Variants in COL4A1 observed in about 807,000 individuals in gnomAD.
COL4A1 encodes the protein collagen alpha-1(IV) chain.
In COL4A1, 40 loss-of-function variants were observed where a neutral mutation model predicts 216.6. The ratio of observed to expected loss-of-function variants is 0.18; its 90% CI spans 0.14 to 0.24. The LOEUF is 0.24. COL4A1 is among the 10% of genes least tolerant of loss of function. The pLI, the probability that COL4A1 is intolerant of heterozygous loss-of-function variation, is 1.00. For synonymous variants in COL4A1, 839 were observed against 810.7 expected (o/e 1.03, Z -0.59); for missense variants, 1,628 against 2,196.8 (o/e 0.74, Z 5.18).
At chr13:110,157,990 C>T (rs1179597491) in intron 49 of COL4A1, among the ~76,000 whole-genome samples, 1 of 152,106 alleles carries the variant, frequency 6.6e-6, no homozygotes, top group African/African-American at 2.4e-5. Context: ...AACAGGAAAC[C>T]TATCAATGAA....
At chr13:110,248,302 T>C (rs1881922206) in intron 1 of COL4A1, among the ~76,000 whole-genome samples, 1 of 152,114 alleles carries the variant, frequency 6.6e-6, no homozygotes, top group Admixed American at 6.5e-5. Flanking sequence ...CCCCACACGC[T>C]CCCGGCGGGA....
At chr13:110,225,510 G>A (rs2139224082) in intron 2 of COL4A1, among the ~76,000 whole-genome samples, 1 of 152,316 alleles carries the variant, frequency 6.6e-6, no homozygotes, top group South Asian at 2.1e-4. Context: ...TTGAACCCAG[G>A]AAGCAGAGGT....
In COL4A1 at chr13:110,174,439, C is replaced by G. The variant is rs1877783654; in HGVS notation, c.3406+7G>C. The G allele has an allele frequency of 6.2e-7, 1 of 1,613,542 alleles. No homozygotes were observed. Among genetic ancestry groups the G allele is most frequent in the African/African-American group, 1.3e-5 (1 of 75,024 alleles). On this transcript the variant is annotated splice_region_variant and intron_variant, in intron 39 of 51. Transcript: ENST00000375820. ...GCCCGGGCTGTGTCCCAAAGAGGGC[C>G]CTCTACCTGCTTCTCCTTTGACACC...
intron 41 of COL4A1, among the ~76,000 whole-genome samples, chr13:110,171,749 G>C (rs1877652458): frequency 6.6e-6 from 1 of 152,232 alleles, no homozygotes; most frequent in African/African-American, 2.4e-5. Flanking sequence ...AGTGCAGCAT[G>C]TCCAAAGGAG....
chr13:110,159,252 G>C (rs1876948400), intron 49 of COL4A1, among the ~76,000 whole-genome samples: 1 of 66,992 alleles, frequency 1.5e-5, no homozygotes, highest in South Asian at 7.4e-4. Context: ...TCACCCAAGG[G>C]AGCAAAAACT....
intron 2 of COL4A1, among the ~76,000 whole-genome samples, chr13:110,234,594 G>GA (rs1343464163): frequency 2.7e-5 from 4 of 150,322 alleles, no homozygotes; most frequent in East Asian, 1.9e-4. Context: ...AAAAGAAAAA[G>GA]AAAAAAACAG....
chr13:110,261,006 C>T (rs1441514829), intron 1 of COL4A1, among the ~76,000 whole-genome samples: 17 of 115,304 alleles, frequency 1.5e-4, no homozygotes, highest in Admixed American at 1.3e-3. Context: ...CACTGCGCTC[C>T]AGCCTGGGTG....
rs780492131 is a variant in COL4A1 at position 110,174,791 on chromosome 13, T to C, written c.3199-42A>G. The C allele has an allele frequency of 5.7e-6, 9 of 1,587,820 alleles. No homozygotes were observed. In the African/African-American group the frequency reaches 9.4e-5, roughly 17 times the overall value. On this transcript the variant is annotated intron_variant, in intron 37 of 51. Coordinates refer to ENST00000375820, the MANE Select transcript of COL4A1 (RefSeq NM_001845.6). ...GGCATATTAACTTTACATTTGTCCA[T>C]GGGCATGCATCTGTAGGCATGTTAT...
At chr13:110,219,959 TAC>T (rs1880390501) in intron 2 of COL4A1, among the ~76,000 whole-genome samples, 1 of 37,392 alleles carries the variant, frequency 2.7e-5, no homozygotes, top group East Asian at 2.3e-3. Flanking sequence ...TACACATACA[TAC>T]ATATACATAT....
At chr13:110,264,420 C>T (rs1054284198) in intron 1 of COL4A1, among the ~76,000 whole-genome samples, 6 of 152,050 alleles carry the variant, frequency 3.9e-5, no homozygotes, top group Non-Finnish European at 8.8e-5. Flanking sequence ...CCCCTACCTG[C>T]GCCCAAAACC....
chr13:110,175,126 T>C, intron 37 of COL4A1, 92 bp downstream of exon 37: 14 of 1,509,638 alleles, frequency 9.3e-6, no homozygotes, highest in East Asian at 2.3e-5. Context: ...TTATGGCTCA[T>C]TGAGTGTGCT....
chr13:110,162,465 G>C, intron 47 of COL4A1, 23 bp from the exon 48 acceptor site: 3 of 1,563,710 alleles, frequency 1.9e-6, no homozygotes, highest in Non-Finnish European at 2.6e-6. Flanking sequence ...AGACAAATTA[G>C]TTTCCCTAAT....
chr13:110,151,749 C>T (rs553944397), intron 51 of COL4A1, among the ~76,000 whole-genome samples: 37 of 152,260 alleles, frequency 2.4e-4, no homozygotes, highest in Non-Finnish European at 4.3e-4. Context: ...TCCTGGCCTT[C>T]GGGGACCGGC....
At position 110,166,256 on chromosome 13, in the gene COL4A1, C is replaced by T. The variant is rs141395813; in HGVS notation, c.3997G>A (p.Asp1333Asn). The T allele has an allele frequency of 8.3e-5, 133 of 1,611,704 alleles. 1 individual carries two copies. The Middle Eastern group carries it at 3.6e-3, about 44-fold the overall frequency. Reference protein sequence around the residue: ...GLQGIKGDQGDQGVPGAKGLP... With the variant: ...GLQGIKGDQGNQGVPGAKGLP... The stretch of plus-strand genomic sequence containing the variant: ...CCTTTAGCTCCCGGGACGCCTTGAT[C>T]GCCTTGATCACCTTTAATTCCCTGG... The change falls in exon 45 of 52, where the codon GAT becomes AAT. Residue 1333 changes from aspartate (D) to asparagine (N), a missense_variant. Physicochemically the swap from Asp to Asn is conservative, Grantham distance 23 (BLOSUM62 1). Around this residue, in one of 8 missense-constraint regions of COL4A1, gnomAD observed 345 missense variants for 476.9 expected, o/e 0.72. Transcript: ENST00000375820.
Position 110,211,113 on chromosome 13 carries a change from G to A in COL4A1, c.468+534C>T, listed in dbSNP as rs763274794. ...CACAGGGACTCTCACCTTCATCCAG[G>A]TAAGCAGTTATCTCTACTGCAGCTG... On this transcript the variant is annotated intron_variant, in intron 8 of 51. Transcript: ENST00000375820. This position sits in a 1 kb window ranked among gnomAD's most constrained non-coding sequence, Gnocchi z 4.3. 6.6e-6 allele frequency among the ~76,000 whole-genome samples: 1 copy of A among 152,168 alleles called. No homozygotes were observed. The highest frequency in any genetic ancestry group is 2.4e-5 in the African/African-American group (1 of 41,440).
intron 18 of COL4A1, among the ~76,000 whole-genome samples, chr13:110,203,082 G>A (rs649104): frequency 0.57 from 86,972 of 151,798 alleles, 25,856 homozygotes; most frequent in East Asian, 0.76. Context: ...GCATGGTGGC[G>A]GGCACCTGCG....
Position 110,181,196 on chromosome 13 carries a change from C to T in COL4A1, c.2193+96G>A. On this transcript the variant is annotated intron_variant, in intron 29 of 51. Coordinates refer to ENST00000375820, the MANE Select transcript of COL4A1 (RefSeq NM_001845.6). Reference sequence around the variant, plus strand: ...CATCAAAAACAAAAATCTGCTGGCCCAACATGTCCTGGGACGTTCACAACC... The same window carrying T: ...CATCAAAAACAAAAATCTGCTGGCCTAACATGTCCTGGGACGTTCACAACC... 2 of 1,200,098 alleles carry T rather than the reference C, an allele frequency of 1.7e-6. 1 individual carries two copies. Among genetic ancestry groups the T allele is most frequent in the South Asian group, 2.5e-5 (2 of 80,608 alleles). The allele number at this position is 1,200,098 out of a possible 1,614,324, so 74.3% of individuals were successfully genotyped here. A position where few individuals can be genotyped will look rare whatever the true frequency, so the allele number is the denominator to read the frequency against.
At chr13:110,265,088 C>A (rs897249922) in intron 1 of COL4A1, among the ~76,000 whole-genome samples, 1 of 152,212 alleles carries the variant, frequency 6.6e-6, no homozygotes, top group Non-Finnish European at 1.5e-5. Flanking sequence ...CTGCTAGAGA[C>A]CTTCTCGCTG....
chr13:110,294,045 T>TG (rs1340731177), intron 1 of COL4A1, among the ~76,000 whole-genome samples: 5 of 152,314 alleles, frequency 3.3e-5, no homozygotes, highest in Middle Eastern at 3.4e-3. Context: ...AAGGCTCAAG[T>TG]GCTCATTGTG....
Sources: gnomAD v4.1 joint callset for allele counts (sites outside exome capture counted in the v4.1 genomes callset) on GRCh38, gnomAD v4.1.1 for gene constraint, gnomAD v4.1.1 regional missense constraint, Gnocchi (gnomAD v3.1) non-coding constraint, MANE v1.5 for transcripts, NCBI Gene and HGNC (gene_info 2026-07-23, HGNC 2026-07-21) for gene names.